FBLN2: variants seen among roughly 807,000 people sequenced by gnomAD.
The protein encoded by FBLN2 is fibulin 2.
FBLN2 carries 81 observed loss-of-function variants against 123.7 expected under a neutral mutation model. That is an observed-to-expected ratio of 0.65 (90% CI 0.55 to 0.79). The LOEUF (loss-of-function observed/expected upper bound fraction) is 0.79. Ranked by LOEUF, FBLN2 falls within the 30% of genes least tolerant of loss-of-function variation. The probability of loss-of-function intolerance (pLI) is 0.00; values close to 1 mark genes in which losing one functional copy is unlikely to be tolerated. For synonymous variants in FBLN2, 699 were observed against 701.4 expected, an observed-to-expected ratio of 1.00 and a Z score of 0.05; for missense variants, 1,603 against 1,681.3, an observed-to-expected ratio of 0.95 and a Z score of 0.81.
At chr3:13,615,881 C>T (rs999555612) in intron 5 of FBLN2, among the ~76,000 whole-genome samples, 8 of 152,158 alleles carry the variant, frequency 5.3e-5, no homozygotes, top group African/African-American at 1.2e-4. Context: ...GCCTTGGTTC[C>T]GATTGACCCA....
chr3:13,582,642 G>T (rs896672992), intron 2 of FBLN2, among the ~76,000 whole-genome samples: 19 of 152,218 alleles, frequency 1.2e-4, no homozygotes, highest in Non-Finnish European at 1.6e-4. Context: ...GCTCGTGGCT[G>T]TGTGACCTCA....
At chr3:13,573,894 CAAAA>C (rs34768387) in intron 2 of FBLN2, among the ~76,000 whole-genome samples, 1 of 72,926 alleles carries the variant, frequency 1.4e-5, no homozygotes. Context: ...GAGTGAAACT[CAAAA>C]AAAAAAAAAA....
chr3:13,563,739 C>G (rs1352740369), intron 1 of FBLN2, among the ~76,000 whole-genome samples: 1 of 152,258 alleles, frequency 6.6e-6, no homozygotes, highest in Non-Finnish European at 1.5e-5. Context: ...CTGAGGCCAA[C>G]TACACCATGT....
rs1347451859 is a variant in FBLN2, at chr3:13,618,964, A to G, written c.2000A>G (p.Gln667Arg). 6.2e-7 allele frequency: 1 copy of G among 1,613,328 alleles called. No individual in the cohort carries two copies. Among genetic ancestry groups the G allele is most frequent in the East Asian group, 2.2e-5 (1 of 44,876 alleles). ...CCTGCACTGAAGTCAGAATTTTCCC[A>G]GGTGGCCTCTAACACCATCCCGCTG... ...QEPALKSEFS[Q>R]VASNTIPLPL... Residue 667 changes from glutamine (Q) to arginine (R), a missense_variant, in exon 7 of 18, where the codon CAG becomes CGG. Transcript: ENST00000404922.
At chr3:13,628,520 C>T (rs1706129251) in intron 11 of FBLN2, among the ~76,000 whole-genome samples, 1 of 152,186 alleles carries the variant, frequency 6.6e-6, no homozygotes, top group South Asian at 2.1e-4. Context: ...CGCTCTGCGC[C>T]CCCCATCAAC....
At chr3:13,617,404 A>G (rs1325038201) in intron 5 of FBLN2, among the ~76,000 whole-genome samples, 4 of 150,918 alleles carry the variant, frequency 2.7e-5, no homozygotes, top group Non-Finnish European at 4.4e-5. Context: ...CCATCCATCT[A>G]TCCATCTACT....
chr3:13,611,136 G>C (rs1389118069), intron 4 of FBLN2, among the ~76,000 whole-genome samples: 1 of 151,984 alleles, frequency 6.6e-6, no homozygotes, highest in African/African-American at 2.4e-5. Flanking sequence ...TACTAGAGAT[G>C]GGGTTTCACC....
chr3:13,628,216 T>A (rs1157785218), intron 11 of FBLN2, among the ~76,000 whole-genome samples: 1 of 152,226 alleles, frequency 6.6e-6, no homozygotes. Flanking sequence ...TTCAGTGGCC[T>A]CTGTGAAGCT....
intron 1 of FBLN2, among the ~76,000 whole-genome samples, chr3:13,555,231 C>T (rs569502339): frequency 4.6e-5 from 7 of 152,084 alleles, no homozygotes; most frequent in South Asian, 2.1e-4. Context: ...GGATTACAGG[C>T]GTGAGCCACT....
chr3:13,573,195 G>A (rs1704020127), intron 2 of FBLN2, among the ~76,000 whole-genome samples: 1 of 117,566 alleles, frequency 8.5e-6, no homozygotes, highest in African/African-American at 3.1e-5. Flanking sequence ...CCCTCCGGCC[G>A]GCCCCTCCCC....
rs551920128 is a variant in FBLN2 at position 13,571,288 on chromosome 3, C to G, written c.933C>G (p.Ala311=). The G allele has an allele frequency of 5.7e-6, 9 of 1,575,888 alleles. No homozygotes were observed. Among genetic ancestry groups the G allele is most frequent in the Non-Finnish European group, 6.9e-6 (8 of 1,161,552 alleles). The stretch of plus-strand genomic sequence containing the variant: ...GGCTGGATGGGCTGCCCACTACAGC[C>G]CCAGCTGGACCCAGTCTTCCTATCC... ...HRGLDGLPTT[A]PAGPSLPIQE... Residue 311 remains alanine (A), a synonymous_variant, in exon 2 of 18, where the codon GCC becomes GCG. Coordinates refer to ENST00000404922, the MANE Select transcript of FBLN2 (RefSeq NM_001004019.2).
chr3:13,609,688 G>GGGGGGGCCC, intron 4 of FBLN2, 46 bp downstream of exon 4: 2 of 512,602 alleles, frequency 3.9e-6, no homozygotes, highest in East Asian at 1.3e-4. Context: ...GTGGGGCGGG[G>GGGGGGGCCC]CGGGAGGCTG....
chr3:13,598,373 C>T (rs1704915782), intron 2 of FBLN2, among the ~76,000 whole-genome samples: 1 of 152,172 alleles, frequency 6.6e-6, no homozygotes, highest in East Asian at 1.9e-4. Flanking sequence ...CGCCCAAGTG[C>T]CCCAGCCAGT....
rs543738091 is a variant in FBLN2 at position 13,629,011 on chromosome 3, C to T, written c.2676C>T (p.Arg892=). 97 of 1,613,386 alleles carry T rather than the reference C, an allele frequency of 6.0e-5. No individual in the cohort carries two copies. The highest frequency in any genetic ancestry group is 7.2e-5 in the Non-Finnish European group (85 of 1,179,772). Residue 892 remains arginine, a synonymous_variant, in exon 12 of 18, where the codon CGC becomes CGT. Coordinates refer to ENST00000404922, the MANE Select transcript of FBLN2 (RefSeq NM_001004019.2). ...AGAGGAACCCGCTGATCTGCGCGCG[C>T]GGCTACCACGCCAGCGATGATGGGA... ...TCQRNPLICA[R]GYHASDDGTK...
intron 2 of FBLN2, among the ~76,000 whole-genome samples, chr3:13,599,711 G>A (rs2124868146): frequency 1.3e-5 from 2 of 151,954 alleles, no homozygotes; most frequent in Admixed American, 1.3e-4. Context: ...CGGGGGATGA[G>A]GGATTGGCCT....
chr3:13,569,340 G>A (rs1260531637), intron 1 of FBLN2, among the ~76,000 whole-genome samples: 2 of 152,158 alleles, frequency 1.3e-5, no homozygotes, highest in East Asian at 1.9e-4. Context: ...ACTGGGGCGG[G>A]CTGTGGGGCC....
At chr3:13,633,204 C>G (rs1447879920) in intron 16 of FBLN2, among the ~76,000 whole-genome samples, 1 of 152,266 alleles carries the variant, frequency 6.6e-6, no homozygotes, top group Non-Finnish European at 1.5e-5. Context: ...CTGGCATATG[C>G]CCATCGTGGG....
At chr3:13,615,453 G>A (rs1705566230) in intron 5 of FBLN2, among the ~76,000 whole-genome samples, 1 of 152,198 alleles carries the variant, frequency 6.6e-6, no homozygotes, top group South Asian at 2.1e-4. Flanking sequence ...TGAGGTCCTG[G>A]TATCAAGATT....
intron 1 of FBLN2, among the ~76,000 whole-genome samples, chr3:13,560,697 G>A (rs1354948463): frequency 6.6e-6 from 1 of 152,214 alleles, no homozygotes; most frequent in Non-Finnish European, 1.5e-5. Context: ...GATAATTTGT[G>A]AGTTTCGAAT....
Sources: allele counts gnomAD v4.1 joint callset (sites outside exome capture counted in the v4.1 genomes callset), GRCh38; gene constraint gnomAD v4.1.1; transcripts MANE v1.5; gene names NCBI Gene and HGNC (gene_info 2026-07-23, HGNC 2026-07-21).